The following RABGAP1L variants were observed in gnomAD, a reference collection of about 807,000 sequenced individuals.
RABGAP1L encodes the protein RAB GTPase activating protein 1 like.
Under a neutral mutation model 137.7 loss-of-function variants are expected in RABGAP1L, and 63 were observed. That is an observed-to-expected ratio of 0.46 (90% confidence interval 0.37 to 0.56). The LOEUF is 0.56. RABGAP1L is among the 20% of genes least tolerant of loss of function. RABGAP1L has a pLI of 0.00. For synonymous variants in RABGAP1L, 431 were observed against 433.7 expected (o/e 0.99, Z 0.08); for missense variants, 1,095 against 1,244.0 (o/e 0.88, Z 1.80).
intron 13 of RABGAP1L, among the ~76,000 whole-genome samples, chr1:174,574,766 A>G (rs1668243113): frequency 6.6e-6 from 1 of 152,204 alleles, no homozygotes; most frequent in Admixed American, 6.5e-5. Flanking sequence ...AATTTTGGTC[A>G]TATTTCACTT....
At chr1:174,547,542 A>G (rs941105999) in intron 13 of RABGAP1L, among the ~76,000 whole-genome samples, 7 of 152,222 alleles carry the variant, frequency 4.6e-5, no homozygotes, top group Non-Finnish European at 1.0e-4. Flanking sequence ...ACCTGAGCAC[A>G]GGAAGTTGAG....
chr1:174,243,403 AG>A (rs1302484959), intron 5 of RABGAP1L, among the ~76,000 whole-genome samples: 1 of 152,148 alleles, frequency 6.6e-6, no homozygotes. Context: ...TAATTTTTTG[AG>A]TGCATTTTAG....
At chr1:174,881,420 G>T (rs1654176922) in intron 19 of RABGAP1L, among the ~76,000 whole-genome samples, 1 of 150,432 alleles carries the variant, frequency 6.6e-6, no homozygotes, top group African/African-American at 2.5e-5. Context: ...GTCTTTTGGA[G>T]GTAATATTTG....
chr1:174,636,044 A>G (rs114387726), intron 13 of RABGAP1L, among the ~76,000 whole-genome samples: 1 of 152,340 alleles, frequency 6.6e-6, no homozygotes, highest in African/African-American at 2.4e-5. Context: ...TGTGAATTGT[A>G]CAAAATATTT....
intron 13 of RABGAP1L, among the ~76,000 whole-genome samples, chr1:174,417,633 A>G (rs1256484879): frequency 6.6e-6 from 1 of 152,126 alleles, no homozygotes; most frequent in Non-Finnish European, 1.5e-5. Context: ...TTTGTTTTAA[A>G]CTTTGGGTAT....
intron 19 of RABGAP1L, among the ~76,000 whole-genome samples, chr1:174,813,528 A>G (rs1195907785): frequency 6.6e-6 from 1 of 152,246 alleles, no homozygotes; most frequent in African/African-American, 2.4e-5. Context: ...CAAATTATAA[A>G]TGTTAAAAAG....
intron 19 of RABGAP1L, among the ~76,000 whole-genome samples, chr1:174,846,032 CT>C: frequency 6.7e-6 from 1 of 149,462 alleles, no homozygotes. Context: ...TTGTAGTATT[CT>C]CTGATGGTAG....
At chr1:174,952,422 G>T (rs1461936597) in intron 19 of RABGAP1L, among the ~76,000 whole-genome samples, 1 of 150,058 alleles carries the variant, frequency 6.7e-6, no homozygotes, top group Non-Finnish European at 1.5e-5. Flanking sequence ...AAGGTGGGAG[G>T]ATCACCTGAG....
chr1:174,300,078 G>A lies in RABGAP1L; in HGVS notation c.1324-4908G>A, dbSNP rs145433288. On this transcript the variant is annotated intron_variant, in intron 10 of 25. Transcript: ENST00000681986. ...TAGACATTAGAATTTTAGAAATCCC[G>A]TATGATTTTTGAACATATATTATCA... Among the ~76,000 whole-genome samples, 166 of 152,202 alleles carry A rather than the reference G, an allele frequency of 1.1e-3. 1 individual carries two copies. The highest frequency in any genetic ancestry group is 0.01 in the Middle Eastern group (3 of 294).
At chr1:174,410,752 A>G (rs1176217760) in intron 13 of RABGAP1L, among the ~76,000 whole-genome samples, 1 of 152,126 alleles carries the variant, frequency 6.6e-6, no homozygotes, top group African/African-American at 2.4e-5. Flanking sequence ...GAATTTTAGA[A>G]TAGTTTTTTT....
chr1:174,595,706 G>A (rs1669833746), intron 13 of RABGAP1L, among the ~76,000 whole-genome samples: 2 of 135,834 alleles, frequency 1.5e-5, no homozygotes, highest in South Asian at 5.1e-4. Context: ...GAGGCAGTCT[G>A]CCCGTTCTCA....
At position 174,691,133 on chromosome 1, in the gene RABGAP1L, A is replaced by G. The variant is rs570066178; in HGVS notation, c.1899+7537A>G. Among the ~76,000 whole-genome samples, 4 of 152,204 alleles carry G rather than the reference A, an allele frequency of 2.6e-5. 1 individual carries two copies. The highest frequency in any genetic ancestry group is 9.6e-5 in the African/African-American group (4 of 41,564). ...ATGAGCCACCATGCCGGGCCCATTC[A>G]TTTTTGTTGAAGAAAATTGGGAATA... On this transcript the variant is annotated intron_variant, in intron 15 of 25. Coordinates refer to ENST00000681986, the MANE Select transcript of RABGAP1L (RefSeq NM_001366446.1).
intron 1 of RABGAP1L, among the ~76,000 whole-genome samples, chr1:174,166,210 T>C (rs1466646315): frequency 6.6e-6 from 1 of 152,146 alleles, no homozygotes; most frequent in East Asian, 1.9e-4. Flanking sequence ...AAAAATATTT[T>C]ATTTGTAAGG....
chr1:174,701,124 T>C, intron 16 of RABGAP1L: 1 of 1,304,746 alleles, frequency 7.7e-7, no homozygotes, highest in Non-Finnish European at 1.0e-6. Context: ...AAAATGAAGG[T>C]GGCCTTTGTC....
chr1:174,979,004 C>A, intron 23 of RABGAP1L, 114 bp downstream of exon 23: 2 of 1,295,034 alleles, frequency 1.5e-6, no homozygotes, highest in South Asian at 2.3e-5. Flanking sequence ...CATAGCAGGA[C>A]CCCATATCTA....
chr1:174,351,871 G>T (rs556887353), intron 11 of RABGAP1L, among the ~76,000 whole-genome samples: 1 of 151,778 alleles, frequency 6.6e-6, no homozygotes, highest in African/African-American at 2.4e-5. Context: ...GTGCCATCTC[G>T]GCTCACTGCA....
chr1:174,347,494 TGTGTG>T (rs1682550275), intron 11 of RABGAP1L, among the ~76,000 whole-genome samples: 5 of 149,508 alleles, frequency 3.3e-5, no homozygotes, highest in East Asian at 1.9e-4. Flanking sequence ...TGTGTGTGTG[TGTGTG>T]TTTTTTTCTT....
intron 13 of RABGAP1L, among the ~76,000 whole-genome samples, chr1:174,515,001 C>T (rs902225942): frequency 2.0e-5 from 3 of 151,928 alleles, no homozygotes; most frequent in Non-Finnish European, 4.4e-5. Flanking sequence ...TTATTCATCC[C>T]ATTATATATT....
At chr1:174,449,147 G>GAA (rs774062930) in intron 13 of RABGAP1L, 18 of 1,611,450 alleles carry the variant, frequency 1.1e-5, no homozygotes, top group Middle Eastern at 1.6e-4. Flanking sequence ...GAAGGATCAG[G>GAA]AAGCACAAGA....
Sources: allele counts gnomAD v4.1 joint callset (sites outside exome capture counted in the v4.1 genomes callset), GRCh38; gene constraint gnomAD v4.1.1; transcripts MANE v1.5; gene names NCBI Gene and HGNC (gene_info 2026-07-23, HGNC 2026-07-21).